The following TMC7 variants were observed in gnomAD, a reference collection of about 807,000 sequenced individuals.
TMC7 encodes transmembrane channel-like protein 7.
TMC7 carries 54 observed loss-of-function variants against 82.9 expected under a neutral mutation model. The ratio of observed to expected loss-of-function variants is 0.65; its 90% confidence interval spans 0.52 to 0.82. The LOEUF (loss-of-function observed/expected upper bound fraction) is 0.82, where lower values mean the gene tolerates loss of function less well. TMC7 is among the 40% of genes least tolerant of loss of function. The probability of loss-of-function intolerance (pLI) is 0.00; values close to 1 mark genes in which losing one functional copy is unlikely to be tolerated. For missense variants in TMC7, 820 were observed against 901.2 expected (o/e 0.91, Z 1.15); for synonymous variants, 350 against 337.9 (o/e 1.04, Z -0.39).
intron 1 of TMC7, among the ~76,000 whole-genome samples, chr16:19,007,617 G>A (rs1421905311): frequency 2.0e-5 from 3 of 151,692 alleles, no homozygotes; most frequent in African/African-American, 7.3e-5. Flanking sequence ...AAGAGAGACC[G>A]AGATCACGTG....
intron 12 of TMC7, 151 bp downstream of exon 12, chr16:19,047,400 CTTT>C (rs200750528): frequency 3.0e-3 from 1,382 of 463,236 alleles, no homozygotes; most frequent in Middle Eastern, 6.0e-3. Flanking sequence ...AAAAATATTG[CTTT>C]TTTTTTTTTT....
rs1019608203 is a variant in TMC7, at chr16:19,035,796, G to A, written c.978G>A (p.Lys326=). ...CITNRSMADL[K]HSSLRYELRA... ...CTAACCGCAGCATGGCGGATCTGAA[G>A]CACAGCAGCTTGCGGTACGAGCTCC... Residue 326 remains lysine, a synonymous_variant, in exon 7 of 16, where the codon AAG becomes AAA. Coordinates refer to ENST00000304381, the MANE Select transcript of TMC7 (RefSeq NM_024847.4). 6.2e-7 allele frequency: 1 copy of A among 1,604,550 alleles called. No homozygotes were observed. Among genetic ancestry groups the A allele is most frequent in the Non-Finnish European group, 8.5e-7 (1 of 1,175,088 alleles).
intron 4 of TMC7, 98 bp downstream of exon 4, chr16:19,021,894 G>T: frequency 1.4e-6 from 2 of 1,408,528 alleles, no homozygotes; most frequent in Non-Finnish European, 1.9e-6. Context: ...TCTAATTCTT[G>T]GGCGACTGTA....
chr16:18,989,880 T>G (rs1418814568), intron 1 of TMC7, among the ~76,000 whole-genome samples: 7 of 151,748 alleles, frequency 4.6e-5, no homozygotes, highest in African/African-American at 1.7e-4. Flanking sequence ...TGAAGTGCAG[T>G]CGTGTGTTTC....
At position 19,035,685 on chromosome 16, in the gene TMC7, A is replaced by T. The variant is rs1244881963; in HGVS notation, c.867A>T (p.Glu289Asp). 6.2e-7 allele frequency: 1 copy of T among 1,614,196 alleles called. No homozygotes were observed. Among genetic ancestry groups the T allele is most frequent in the Middle Eastern group, 1.6e-4 (1 of 6,062 alleles). Residue 289 changes from glutamate to aspartate, a missense_variant, in exon 7 of 16, where the codon GAA becomes GAT. Glu to Asp is a conservative substitution (Grantham distance 45). Around this residue, in one of 2 missense-constraint regions of TMC7, gnomAD observed 650 missense variants for 669.9 expected, o/e 0.97. Coordinates refer to ENST00000304381, the MANE Select transcript of TMC7 (RefSeq NM_024847.4). ...TGTGTTTTGGGGTCAGGTCGGTGGA[A>T]GGATTCAAAATCAACCTGATTCGGA... is the stretch of plus-strand genomic sequence containing the variant. ...SLLWIVKRSV[E>D]GFKINLIRSE...
At chr16:19,055,109 C>A (rs1033264056) in intron 13 of TMC7, among the ~76,000 whole-genome samples, 1 of 151,938 alleles carries the variant, frequency 6.6e-6, no homozygotes, top group African/African-American at 2.4e-5. Flanking sequence ...TGATGAAGAA[C>A]CTTTGGATAT....
chr16:18,986,382 C>T (rs1203273474), intron 1 of TMC7, among the ~76,000 whole-genome samples: 2 of 141,242 alleles, frequency 1.4e-5, no homozygotes, highest in Non-Finnish European at 3.0e-5. Context: ...GTGACAGAGA[C>T]TCTGTCTGAA....
At chr16:19,058,722 T>G (rs753757513) in intron 14 of TMC7, among the ~76,000 whole-genome samples, 5 of 152,124 alleles carry the variant, frequency 3.3e-5, no homozygotes, top group Non-Finnish European at 7.3e-5. Flanking sequence ...TTATTTTTTG[T>G]GGAGACAGGG....
chr16:19,043,238 C>A (rs1961103976), intron 9 of TMC7, among the ~76,000 whole-genome samples: 1 of 152,118 alleles, frequency 6.6e-6, no homozygotes, highest in South Asian at 2.1e-4. Context: ...GATATCTCTG[C>A]AGCATACTTT....
chr16:19,022,639 C>A (rs1337720044), intron 4 of TMC7, among the ~76,000 whole-genome samples: 1 of 152,224 alleles, frequency 6.6e-6, no homozygotes, highest in African/African-American at 2.4e-5. Context: ...GTGATGTTCG[C>A]ATGACGAAAT....
intron 1 of TMC7, among the ~76,000 whole-genome samples, chr16:19,001,325 A>G (rs2039137096): frequency 6.6e-6 from 1 of 152,190 alleles, no homozygotes; most frequent in South Asian, 2.1e-4. Context: ...ACAGAAAGAG[A>G]TAAGGTCCCT....
chr16:19,035,030 C>T (rs939245186), intron 6 of TMC7, among the ~76,000 whole-genome samples: 1 of 152,080 alleles, frequency 6.6e-6, no homozygotes, highest in African/African-American at 2.4e-5. Flanking sequence ...AACCTAGGTG[C>T]CCATCAATGG....
chr16:19,024,692 T>C (rs1446142433), intron 5 of TMC7, among the ~76,000 whole-genome samples: 1 of 152,016 alleles, frequency 6.6e-6, no homozygotes, highest in African/African-American at 2.4e-5. Context: ...ACTACAGGCG[T>C]GCACTACACT....
intron 4 of TMC7, 22 bp from the exon 5 acceptor site, chr16:19,023,091 T>C: frequency 6.6e-7 from 1 of 1,508,176 alleles, no homozygotes; most frequent in Non-Finnish European, 9.1e-7. Flanking sequence ...TCCACTGACA[T>C]TCTGGTTTTT....
chr16:19,014,388 G>C (rs1211636012), intron 2 of TMC7, among the ~76,000 whole-genome samples: 2 of 152,120 alleles, frequency 1.3e-5, no homozygotes, highest in Non-Finnish European at 2.9e-5. Context: ...CTGATCTAAG[G>C]GTAGGTACTT....
intron 3 of TMC7, among the ~76,000 whole-genome samples, chr16:19,019,050 A>G (rs1959843502): frequency 6.6e-6 from 1 of 152,186 alleles, no homozygotes; most frequent in African/African-American, 2.4e-5. Context: ...GGGTTTCACC[A>G]TGTTGGACAG....
intron 1 of TMC7, among the ~76,000 whole-genome samples, chr16:18,994,999 G>C (rs1192843538): frequency 6.6e-6 from 1 of 151,958 alleles, no homozygotes; most frequent in African/African-American, 2.4e-5. Context: ...GGAGATACAA[G>C]GAAAGGATGT....
chr16:19,056,287 C>T (rs948694207), intron 13 of TMC7, among the ~76,000 whole-genome samples: 15 of 151,934 alleles, frequency 9.9e-5, no homozygotes, highest in African/African-American at 2.7e-4. Flanking sequence ...GGTTTCACCA[C>T]GTTGGTCAGC....
At chr16:19,047,345 C>T (rs559505710) in intron 12 of TMC7, 96 bp downstream of exon 12, 93 of 1,038,834 alleles carry the variant, frequency 9.0e-5, no homozygotes, top group South Asian at 2.5e-4. Flanking sequence ...TCCCATGAGA[C>T]GTATCAAAAT....
Sources: allele counts gnomAD v4.1 joint callset (sites outside exome capture counted in the v4.1 genomes callset), GRCh38; gene constraint gnomAD v4.1.1; regional missense constraint gnomAD v4.1.1; transcripts MANE v1.5; gene names NCBI Gene and HGNC (gene_info 2026-07-23, HGNC 2026-07-21).